Variants in CD28 observed in about 807,000 individuals in gnomAD.
CD28 encodes T-cell-specific surface glycoprotein CD28.
CD28 carries 8 observed loss-of-function variants against 21.4 expected under a neutral mutation model. The observed-to-expected ratio is 0.37, with a 90% CI of 0.22 to 0.68. The LOEUF (loss-of-function observed/expected upper bound fraction) is 0.68. Among genes scored for constraint, CD28 ranks in the 30% least tolerant of loss-of-function variants. CD28 has a pLI of 0.55. For synonymous variants in CD28, 106 were observed against 104.0 expected (o/e 1.02, Z -0.12); for missense variants, 239 against 272.2 (o/e 0.88, Z 0.86).
chr2:203,714,328 C>T (rs1244927310), intron 1 of CD28, among the ~76,000 whole-genome samples: 1 of 152,126 alleles, frequency 6.6e-6, no homozygotes, highest in Non-Finnish European at 1.5e-5. Context: ...CCTCAGCTCA[C>T]GGCTGAGATC....
chr2:203,735,082 C>T lies in CD28; in HGVS notation c.*170C>T, dbSNP rs199553976. 2.8e-5 allele frequency: 20 copies of T among 711,480 alleles called. No homozygotes were observed. In the Admixed American group the frequency reaches 4.0e-4, roughly 14 times the overall value. 44.1% of individuals were successfully genotyped at this position (711,480 alleles called of 1,614,324 possible). On this transcript the variant is annotated 3_prime_UTR_variant, in exon 4 of 4. Coordinates refer to ENST00000324106, the MANE Select transcript of CD28 (RefSeq NM_006139.4). ...ACCAAATATCAAGATCATTTTGAGACTCTGAAATGAAGTAAAAGAGATTTC... is the reference window on the plus strand; with the variant it reads ...ACCAAATATCAAGATCATTTTGAGATTCTGAAATGAAGTAAAAGAGATTTC...
At chr2:203,732,217 A>T (rs2106124288) in intron 3 of CD28, among the ~76,000 whole-genome samples, 1 of 152,278 alleles carries the variant, frequency 6.6e-6, no homozygotes, top group South Asian at 2.1e-4. Flanking sequence ...ATGCTACTGT[A>T]GGCAGTTCTG....
intron 1 of CD28, among the ~76,000 whole-genome samples, chr2:203,708,441 A>G (rs76354216): frequency 5.6e-4 from 86 of 152,368 alleles, no homozygotes; most frequent in African/African-American, 1.9e-3. Context: ...CAGTCAAGGG[A>G]AGCCTACCCT....
chr2:203,737,775 G>C lies in CD28; in HGVS notation c.*2863G>C, dbSNP rs1027203769. On this transcript the variant is annotated 3_prime_UTR_variant, in exon 4 of 4. Coordinates refer to ENST00000324106, the MANE Select transcript of CD28 (RefSeq NM_006139.4). The stretch of plus-strand genomic sequence containing the variant: ...TTTGGGTTAAGCATGCCAATTTAAA[G>C]AGACCAAGTGTATGTACATTATGTT... 6.6e-6 allele frequency: 1 copy of C among 152,582 alleles called. No individual in the cohort carries two copies. Among genetic ancestry groups the C allele is most frequent in the African/African-American group, 2.4e-5 (1 of 41,426 alleles). 9.5% of individuals were successfully genotyped at this position (152,582 alleles called of 1,614,324 possible).
At chr2:203,711,398 A>T (rs970623398) in intron 1 of CD28, among the ~76,000 whole-genome samples, 1 of 152,208 alleles carries the variant, frequency 6.6e-6, no homozygotes, top group African/African-American at 2.4e-5. Flanking sequence ...TTTCAAAGGC[A>T]TGTTTATTTA....
rs199913593 is a variant in CD28 at position 203,736,062 on chromosome 2, T to C, written c.*1150T>C. 6.7e-6 allele frequency: 1 copy of C among 150,322 alleles called. No individual in the cohort carries two copies. The highest frequency in any genetic ancestry group is 2.4e-5 in the African/African-American group (1 of 41,204). The allele number at this position is 150,322 out of a possible 1,614,324, so 9.3% of individuals were successfully genotyped here. ...ACAAACCACAAAATTATTTGAGTAC[T>C]GTGAAGGATTATTTGTCTAACAGTT... On this transcript the variant is annotated 3_prime_UTR_variant, in exon 4 of 4. Transcript: ENST00000324106.
intron 1 of CD28, among the ~76,000 whole-genome samples, chr2:203,723,514 C>G (rs935700061): frequency 1.5e-4 from 23 of 151,444 alleles, no homozygotes; most frequent in African/African-American, 5.6e-4. Flanking sequence ...ATAAAAAATG[C>G]ATACAGAACT....
chr2:203,721,650 C>T (rs979981195), intron 1 of CD28, among the ~76,000 whole-genome samples: 4 of 152,124 alleles, frequency 2.6e-5, no homozygotes, highest in Non-Finnish European at 5.9e-5. Context: ...CATACTCCTT[C>T]AGGACTCAGG....
Position 203,726,767 on chromosome 2 carries a change from G to A in CD28, c.187G>A (p.Val63Met), listed in dbSNP as rs988481268. 8 of 1,614,018 alleles carry A rather than the reference G, an allele frequency of 5.0e-6. No homozygotes were observed. In the African/African-American group the frequency reaches 1.1e-4, roughly 22 times the overall value. ...CCTTCACAAAGGACTGGATAGTGCTGTGGAAGTCTGTGTTGTATATGGGAA... is the reference window on the plus strand; with the variant it reads ...CCTTCACAAAGGACTGGATAGTGCTATGGAAGTCTGTGTTGTATATGGGAA... ...ASLHKGLDSA[V>M]EVCVVYGNYS... Residue 63 changes from valine (V) to methionine (M), a missense_variant, in exon 2 of 4, where the codon GTG (valine) becomes ATG (methionine). This residue lies in a region of CD28 where 104 missense variants were observed against 108.5 expected (regional missense o/e 0.96). Coordinates refer to ENST00000324106, the MANE Select transcript of CD28 (RefSeq NM_006139.4).
intron 2 of CD28, among the ~76,000 whole-genome samples, chr2:203,728,286 C>G (rs1205530514): frequency 6.6e-6 from 1 of 152,126 alleles, no homozygotes; most frequent in Non-Finnish European, 1.5e-5. Context: ...GTCTACTGAA[C>G]TTTTGTTGAT....
At chr2:203,711,303 T>G (rs1488772642) in intron 1 of CD28, among the ~76,000 whole-genome samples, 1 of 152,226 alleles carries the variant, frequency 6.6e-6, no homozygotes, top group Non-Finnish European at 1.5e-5. Context: ...AGAAGAGAAG[T>G]GCACTGGATA....
rs182551220 is a variant in CD28 at position 203,735,987 on chromosome 2, G to C, written c.*1075G>C. The C allele has an allele frequency of 6.8e-6, 1 of 146,452 alleles. No individual in the cohort carries two copies. 9.1% of individuals were successfully genotyped at this position (146,452 alleles called of 1,614,324 possible). ...AGTGCCACAGCTCTCCAGCCTGGGC[G>C]ACAGAGTGAGACTCCATCTCAAACA... On this transcript the variant is annotated 3_prime_UTR_variant, in exon 4 of 4. Coordinates refer to ENST00000324106, the MANE Select transcript of CD28 (RefSeq NM_006139.4).
chr2:203,709,242 C>T lies in CD28; in HGVS notation c.52+2494C>T, dbSNP rs532138169. On this transcript the variant is annotated intron_variant, in intron 1 of 3. Transcript: ENST00000324106. ...ATTCTCTGGTCAAAGTGTAACTGTC[C>T]TTCCTAGGTCTGAGAAACCACTGTT... Among the ~76,000 whole-genome samples the T allele has an allele frequency of 1.6e-4, 25 of 152,206 alleles. No homozygotes were observed. In the East Asian group the frequency reaches 4.4e-3, roughly 27 times the overall value.
At chr2:203,709,807 G>A (rs1693263270) in intron 1 of CD28, among the ~76,000 whole-genome samples, 1 of 152,154 alleles carries the variant, frequency 6.6e-6, no homozygotes, top group Non-Finnish European at 1.5e-5. Context: ...AGAAAAATCA[G>A]CATATTACCA....
chr2:203,706,606 A>T, upstream of CD28: 4 of 1,608,522 alleles, frequency 2.5e-6, no homozygotes, highest in Non-Finnish European at 3.4e-6. Flanking sequence ...GGAGACTCTC[A>T]GGCCTTGGCA....
At position 203,726,901 on chromosome 2, in the gene CD28, A is replaced by C; in HGVS notation, c.321A>C (p.Thr107=). The C allele has an allele frequency of 6.2e-7, 1 of 1,613,944 alleles. No individual in the cohort carries two copies. Among genetic ancestry groups the C allele is most frequent in the Non-Finnish European group, 8.5e-7 (1 of 1,179,796 alleles). Residue 107 remains threonine, a synonymous_variant, in exon 2 of 4, where the codon ACA becomes ACC. Transcript: ENST00000324106. ...TCCAGAATTTGTATGTTAACCAAAC[A>C]GATATTTACTTCTGCAAAATTGAAG... The part of the protein sequence containing the change: ...FYLQNLYVNQ[T]DIYFCKIEVM...
Position 203,734,767 on chromosome 2 carries a change from A to T in CD28, c.535-17A>T, listed in dbSNP as rs771164270. 6 of 1,614,074 alleles carry T rather than the reference A, an allele frequency of 3.7e-6. No individual in the cohort carries two copies. ...CATGACATTGTCCCTCCATACTGAC[A>T]CTTCTCTTTCCTGCAGGTGAGGAGT... On this transcript the variant is annotated splice_polypyrimidine_tract_variant and intron_variant, in intron 3 of 3. Coordinates refer to ENST00000324106, the MANE Select transcript of CD28 (RefSeq NM_006139.4).
In CD28 at chr2:203,735,166, G is replaced by C; in HGVS notation, c.*254G>C. ...CACATTCCAACTTACCATGTACTTA[G>C]TGACTTGACTGAGAAGTTAGGGTAG... On this transcript the variant is annotated 3_prime_UTR_variant, in exon 4 of 4. Coordinates refer to ENST00000324106, the MANE Select transcript of CD28 (RefSeq NM_006139.4). 2.1e-6 allele frequency: 1 copy of C among 469,758 alleles called. No homozygotes were observed. The highest frequency in any genetic ancestry group is 3.7e-6 in the Non-Finnish European group (1 of 267,192). 29.1% of individuals were successfully genotyped at this position (469,758 alleles called of 1,614,324 possible). A position where few individuals can be genotyped will look rare whatever the true frequency, so the allele number is the denominator to read the frequency against.
intron 1 of CD28, among the ~76,000 whole-genome samples, chr2:203,724,159 A>G (rs1364777713): frequency 2.0e-5 from 3 of 152,218 alleles, no homozygotes; most frequent in African/African-American, 7.2e-5. Context: ...GATTCTACTT[A>G]TAAAAAAAGT....
Sources: allele counts gnomAD v4.1 joint callset (sites outside exome capture counted in the v4.1 genomes callset), GRCh38; gene constraint gnomAD v4.1.1; regional missense constraint gnomAD v4.1.1; transcripts MANE v1.5; gene names NCBI Gene and HGNC (gene_info 2026-07-23, HGNC 2026-07-21).